The following AHNAK2 variants were observed in gnomAD, a reference collection of about 807,000 sequenced individuals.
AHNAK2 encodes protein AHNAK2.
A neutral mutation model predicts 30.7 loss-of-function variants in AHNAK2; 18 were observed. That is an observed-to-expected ratio of 0.59 (90% CI 0.41 to 0.87). AHNAK2 has a LOEUF of 0.87. Among genes scored for constraint, AHNAK2 ranks in the 40% least tolerant of loss-of-function variants. The probability of loss-of-function intolerance (pLI) is 0.00; values close to 1 mark genes in which losing one functional copy is unlikely to be tolerated. For missense variants in AHNAK2, 8,604 were observed against 7,373.0 expected (o/e 1.17, Z -6.11); for synonymous variants, 3,590 against 3,073.8 (o/e 1.17, Z -5.56).
intron 1 of AHNAK2, among the ~76,000 whole-genome samples, chr14:104,963,552 C>T (rs1440038642): frequency 6.6e-6 from 1 of 152,120 alleles, no homozygotes; most frequent in African/African-American, 2.4e-5. Context: ...AGCTTCTGGC[C>T]AGGCGCGGTG....
In AHNAK2 at chr14:104,940,258, T is replaced by C. The variant is rs923547839; in HGVS notation, c.15193A>G (p.Ser5065Gly). ...GGSFQDTEKA[S>G]SDGGRGGLGA... ...AGTCCTCCCCTACCACCGTCACTGC[T>C]GGCCTTTTCTGTGTCTTGAAAGCTA... The change falls in exon 7 of 7, where the codon AGC becomes GGC. Residue 5065 changes from serine (S) to glycine (G), a missense_variant. Physicochemically the swap from Ser to Gly is moderately conservative, Grantham distance 56. Coordinates refer to ENST00000333244, the MANE Select transcript of AHNAK2 (RefSeq NM_138420.4). This position sits in a 1 kb window ranked among gnomAD's most constrained non-coding sequence, Gnocchi z 4.4. 2 of 1,613,580 alleles carry C rather than the reference T, an allele frequency of 1.2e-6. No homozygotes were observed. The highest frequency in any genetic ancestry group is 1.3e-5 in the African/African-American group (1 of 74,936).
intron 1 of AHNAK2, among the ~76,000 whole-genome samples, chr14:104,976,935 C>G (rs906084543): frequency 6.6e-6 from 1 of 152,194 alleles, no homozygotes; most frequent in Non-Finnish European, 1.5e-5. Context: ...GGGCCTCCAG[C>G]CCACCGGAGC....
chr14:104,947,005 G>A lies in AHNAK2; in HGVS notation c.8446C>T (p.Pro2816Ser). Residue 2816 changes from proline (P) to serine (S), a missense_variant, in exon 7 of 7, where the codon CCC becomes TCC. Physicochemically the swap from Pro to Ser is moderately conservative, Grantham distance 74. Transcript: ENST00000333244. ...MTAKDSKFKMPKFKMPSFGVS... is the reference protein window; with the variant it reads ...MTAKDSKFKMSKFKMPSFGVS... ...CCGAATGACGGCATCTTGAACTTGG[G>A]CATTTTGAACTTGCTGTCTTTGGCT... 6.2e-7 allele frequency: 1 copy of A among 1,612,568 alleles called. No individual in the cohort carries two copies. Among genetic ancestry groups the A allele is most frequent in the Non-Finnish European group, 8.5e-7 (1 of 1,179,648 alleles).
At position 104,952,585 on chromosome 14, in the gene AHNAK2, C is replaced by T. The variant is rs368513190; in HGVS notation, c.2866G>A (p.Asp956Asn). Residue 956 changes from aspartate to asparagine, a missense_variant, in exon 7 of 7, where the codon GAT becomes AAT. By Grantham distance (23) the Asp-to-Asn change is conservative. Coordinates refer to ENST00000333244, the MANE Select transcript of AHNAK2 (RefSeq NM_138420.4). ...ATGCTGGGCAGAGACACCTCGCCATCGGGGGCTGTCACTTCCGCCTTGGGG... is the reference window on the plus strand; with the variant it reads ...ATGCTGGGCAGAGACACCTCGCCATTGGGGGCTGTCACTTCCGCCTTGGGG... ...KGPKAEVTAP[D>N]GEVSLPSMEV... 45 of 1,612,844 alleles carry T rather than the reference C, an allele frequency of 2.8e-5. 1 individual carries two copies. Among genetic ancestry groups the T allele is most frequent in the South Asian group, 2.7e-4 (25 of 91,044 alleles).
intron 1 of AHNAK2, among the ~76,000 whole-genome samples, chr14:104,968,570 G>T (rs1899380062): frequency 6.6e-6 from 1 of 152,188 alleles, no homozygotes; most frequent in South Asian, 2.1e-4. Flanking sequence ...GGGAGGAGGT[G>T]GATTTTGCTT....
Position 104,957,409 on chromosome 14 carries a change from C to T in AHNAK2, c.213+1G>A, listed in dbSNP as rs1488605989. On this transcript the variant is annotated splice_donor_variant, in intron 3 of 6. Transcript: ENST00000333244. LOFTEE classifies it high-confidence loss of function. ...TGTGGGGCTCTGCCCAGCAGGCTCA[C>T]CTGGAGTCCAAAGTCGGCAGCCTCA... 1 of 1,583,542 alleles carries T rather than the reference C, an allele frequency of 6.3e-7. No individual in the cohort carries two copies. The highest frequency in any genetic ancestry group is 1.1e-5 in the South Asian group (1 of 89,002).
chr14:104,965,846 C>G (rs967306439), intron 1 of AHNAK2, among the ~76,000 whole-genome samples: 4 of 152,230 alleles, frequency 2.6e-5, no homozygotes, highest in Non-Finnish European at 5.9e-5. Context: ...TGGCCCTGAG[C>G]AAGCTCATCC....
Position 104,940,975 on chromosome 14 carries a change from CTG to C in AHNAK2, c.14474_14475del (p.Thr4825ArgfsTer5), listed in dbSNP as rs761396797. 6 of 1,613,180 alleles carry C rather than the reference CTG, an allele frequency of 3.7e-6. No homozygotes were observed. Among genetic ancestry groups the C allele is most frequent in the Non-Finnish European group, 4.2e-6 (5 of 1,179,874 alleles). Reference protein sequence around the residue: ...GSQADIPLPKTECSTDLQPPE... With the variant: ...GSQADIPLPKXECSTDLQPPE... The stretch of plus-strand genomic sequence containing the variant: ...GGAGGCTGCAGGTCAGTGGAGCACT[CTG>C]TCTTGGGAAGAGGAATATCAGCCTG... On this transcript the variant is annotated frameshift_variant, in exon 7 of 7. Transcript: ENST00000333244. LOFTEE classifies it low-confidence loss of function (END_TRUNC). This position sits in a 1 kb window ranked among gnomAD's most constrained non-coding sequence, Gnocchi z 4.4.
At chr14:104,973,288 C>G (rs996954142) in intron 1 of AHNAK2, among the ~76,000 whole-genome samples, 1 of 152,226 alleles carries the variant, frequency 6.6e-6, no homozygotes, top group Admixed American at 6.5e-5. Flanking sequence ...GCCATGGGAA[C>G]TCGGCTGCTG....
intron 1 of AHNAK2, among the ~76,000 whole-genome samples, chr14:104,973,415 C>T (rs1049869966): frequency 6.6e-6 from 1 of 152,186 alleles, no homozygotes; most frequent in Non-Finnish European, 1.5e-5. Context: ...TGCTGGCTCA[C>T]CCAGGAGCCA....
In AHNAK2 at chr14:104,941,134, C is replaced by T; in HGVS notation, c.14317G>A (p.Asp4773Asn). The T allele has an allele frequency of 6.2e-7, 1 of 1,613,576 alleles. No individual in the cohort carries two copies. Residue 4773 changes from aspartate to asparagine, a missense_variant, in exon 7 of 7, where the codon GAT becomes AAT. Physicochemically the swap from Asp to Asn is conservative, Grantham distance 23. Transcript: ENST00000333244. ...GFAGFPSSRL[D>N]LTGPHFESSI... ...GATTCAAAGTGAGGACCAGTGAGAT[C>T]AAGCCGGGATGATGGAAACCCAGCA...
Position 104,940,156 on chromosome 14 carries a change from A to C in AHNAK2, c.15295T>G (p.Phe5099Val). The C allele has an allele frequency of 6.2e-7, 1 of 1,613,502 alleles. No individual in the cohort carries two copies. Among genetic ancestry groups the C allele is most frequent in the Non-Finnish European group, 8.5e-7 (1 of 1,179,894 alleles). ...RPQVHIPSLG[F>V]AKPDLRSSKA... ...GAGGATCTGAGATCAGGTTTGGCAA[A>C]GCCCAAACTGGGAATGTGGACCTGT... is the stretch of plus-strand genomic sequence containing the variant. Residue 5099 changes from phenylalanine to valine, a missense_variant, in exon 7 of 7, where the codon TTT becomes GTT. Physicochemically the swap from Phe to Val is conservative, Grantham distance 50 (BLOSUM62 -1). Transcript: ENST00000333244. This position sits in a 1 kb window ranked among gnomAD's most constrained non-coding sequence, Gnocchi z 4.4.
rs1263182914 is a variant in AHNAK2, at chr14:104,946,578, G to C, written c.8873C>G (p.Ala2958Gly). Reference protein sequence around the residue: ...VEAPRAKLDGARLEGDLSLAD... With the variant: ...VEAPRAKLDGGRLEGDLSLAD... Reference sequence around the variant, plus strand: ...CAGGGACAGGTCACCCTCCAGCCGTGCACCATCCAGCTTTGCTCTCGGGGC... The same window carrying C: ...CAGGGACAGGTCACCCTCCAGCCGTCCACCATCCAGCTTTGCTCTCGGGGC... Residue 2958 changes from alanine (A) to glycine (G), a missense_variant, in exon 7 of 7, where the codon GCA becomes GGA. Physicochemically the swap from Ala to Gly is moderately conservative, Grantham distance 60. Transcript: ENST00000333244. The C allele has an allele frequency of 5.6e-6, 9 of 1,612,820 alleles. No individual in the cohort carries two copies. The highest frequency in any genetic ancestry group is 6.8e-6 in the Non-Finnish European group (8 of 1,179,692).
At chr14:104,957,711 G>T in intron 1 of AHNAK2, 39 bp from the exon 2 acceptor site, 2 of 1,593,118 alleles carry the variant, frequency 1.3e-6, no homozygotes, top group East Asian at 2.3e-5. Flanking sequence ...CAAGCAGGCT[G>T]GGGGAGCAGA....
intron 1 of AHNAK2, among the ~76,000 whole-genome samples, chr14:104,962,529 G>A (rs367842871): frequency 6.6e-6 from 1 of 152,208 alleles, no homozygotes; most frequent in South Asian, 2.1e-4. Flanking sequence ...GGGTTCAAGC[G>A]TTTCTGGTGC....
chr14:104,978,313 G>T lies in AHNAK2; in HGVS notation c.-76C>A. ...GTCCCGGCTCCGGCGCACGGGGCGG[G>T]CGGGCGGGAGCCGCGCTCTGCCCCG... is the stretch of plus-strand genomic sequence containing the variant. On this transcript the variant is annotated 5_prime_UTR_variant, in exon 1 of 7. Coordinates refer to ENST00000333244, the MANE Select transcript of AHNAK2 (RefSeq NM_138420.4). The T allele has an allele frequency of 1.1e-6, 1 of 906,800 alleles. No individual in the cohort carries two copies. Among genetic ancestry groups the T allele is most frequent in the Non-Finnish European group, 1.4e-6 (1 of 733,710 alleles). The allele number at this position is 906,800 out of a possible 1,614,324, so 56.2% of individuals were successfully genotyped here.
At position 104,938,155 on chromosome 14, in the gene AHNAK2, A is replaced by G. The variant is rs778637990; in HGVS notation, c.17296T>C (p.Ser5766Pro). The G allele has an allele frequency of 2.0e-5, 32 of 1,613,654 alleles. No homozygotes were observed. Among genetic ancestry groups the G allele is most frequent in the Non-Finnish European group, 2.6e-5 (31 of 1,179,878 alleles). Residue 5766 changes from serine to proline, a missense_variant, in exon 7 of 7, where the codon TCC (serine) becomes CCC (proline). By Grantham distance (74) the Ser-to-Pro change is moderately conservative. Coordinates refer to ENST00000333244, the MANE Select transcript of AHNAK2 (RefSeq NM_138420.4). ...AGGATTAACTCTGTTCTTGCCGCGG[A>G]TGTCACCATCACTCTGGAGTCCAGC... Reference protein sequence around the residue: ...TGLDSRVMVTSAARTELILPE... With the variant: ...TGLDSRVMVTPAARTELILPE...
rs574943795 is a variant in AHNAK2, at chr14:104,964,222, C to T, written c.56-6550G>A. On this transcript the variant is annotated intron_variant, in intron 1 of 6. Coordinates refer to ENST00000333244, the MANE Select transcript of AHNAK2 (RefSeq NM_138420.4). ...TCATAGAAGAGGATATTCAACCAGC[C>T]GATTAGTATATGGAAAGATGGCCAG... Among the ~76,000 whole-genome samples the T allele has an allele frequency of 2.6e-3, 395 of 152,272 alleles. 5 individuals carry two copies. Among genetic ancestry groups the T allele is most frequent in the African/African-American group, 9.0e-3 (372 of 41,548 alleles).
At position 104,949,828 on chromosome 14, in the gene AHNAK2, G is replaced by C; in HGVS notation, c.5623C>G (p.Leu1875Val). 1.3e-6 allele frequency: 2 copies of C among 1,586,188 alleles called. No individual in the cohort carries two copies. The highest frequency in any genetic ancestry group is 1.7e-6 in the Non-Finnish European group (2 of 1,162,596). The change falls in exon 7 of 7, where the codon CTC (leucine) becomes GTC (valine). Residue 1875 changes from leucine to valine, a missense_variant. Coordinates refer to ENST00000333244, the MANE Select transcript of AHNAK2 (RefSeq NM_138420.4). Reference protein sequence around the residue: ...DLKTTDLCIPLPSADLVVQAG... With the variant: ...DLKTTDLCIPVPSADLVVQAG... ...TGGACCACCAGGTCTGCAGAAGGGA[G>C]CGGAATGCAGAGGTCCGTGGTCTTG... is the stretch of plus-strand genomic sequence containing the variant.
Sources: allele counts gnomAD v4.1 joint callset (sites outside exome capture counted in the v4.1 genomes callset), GRCh38; gene constraint gnomAD v4.1.1; non-coding constraint Gnocchi (gnomAD v3.1); transcripts MANE v1.5; gene names NCBI Gene and HGNC (gene_info 2026-07-23, HGNC 2026-07-21).